The following HEMK1 variants were observed in gnomAD, a reference collection of about 807,000 sequenced individuals.
The protein encoded by HEMK1 is HemK methyltransferase 1, mitochondrial release factors N(5)-glutamine.
A neutral mutation model predicts 47.9 loss-of-function variants in HEMK1; 36 were observed. The ratio of observed to expected loss-of-function variants is 0.75; its 90% CI spans 0.58 to 0.99. HEMK1 has a LOEUF of 0.99. HEMK1 is among the 50% of genes least tolerant of loss of function. The pLI, the probability that HEMK1 is intolerant of heterozygous loss-of-function variation, is 0.00. For missense variants in HEMK1, 383 were observed against 434.5 expected, an observed-to-expected ratio of 0.88 and a Z score of 1.05; for synonymous variants, 153 against 165.4, an observed-to-expected ratio of 0.93 and a Z score of 0.57.
intron 8 of HEMK1, among the ~76,000 whole-genome samples, chr3:50,579,630 T>C (rs2030447480): frequency 6.6e-6 from 1 of 152,158 alleles, no homozygotes; most frequent in East Asian, 1.9e-4. Flanking sequence ...TCAGCAAGCA[T>C]GCCTGGCGCT....
At chr3:50,570,219 C>T (rs1327203333) in intron 1 of HEMK1, 1 of 152,218 alleles carries the variant, frequency 6.6e-6, no homozygotes, top group Non-Finnish European at 1.5e-5. Flanking sequence ...GAAGATGTGG[C>T]ACTTAGCAGG....
rs2031579133 is a variant in HEMK1 at position 50,589,151 on chromosome 3, T to G, written c.*8734T>G. The G allele has an allele frequency of 6.6e-6, 1 of 152,234 alleles. No individual in the cohort carries two copies. Among genetic ancestry groups the G allele is most frequent in the Non-Finnish European group, 1.5e-5 (1 of 68,040 alleles). The allele number at this position is 152,234 out of a possible 1,614,324, so 9.4% of individuals were successfully genotyped here. A position where few individuals can be genotyped will look rare whatever the true frequency, so the allele number is the denominator to read the frequency against. On this transcript the variant is annotated 3_prime_UTR_variant, in exon 11 of 11. Coordinates refer to ENST00000232854, the MANE Select transcript of HEMK1 (RefSeq NM_016173.5). ...CTGGGGGCTGGGATGGTAGTTGTAG[T>G]CTTATGTTGGTCTCAATGTCCATTT...
Position 50,580,778 on chromosome 3 carries a change from G to A in HEMK1, c.*361G>A, listed in dbSNP as rs943361187. 8 of 345,544 alleles carry A rather than the reference G, an allele frequency of 2.3e-5. No homozygotes were observed. The highest frequency in any genetic ancestry group is 3.2e-5 in the Non-Finnish European group (6 of 184,708). The allele number at this position is 345,544 out of a possible 1,614,324, so 21.4% of individuals were successfully genotyped here. A position where few individuals can be genotyped will look rare whatever the true frequency, so the allele number is the denominator to read the frequency against. On this transcript the variant is annotated 3_prime_UTR_variant, in exon 11 of 11. Transcript: ENST00000232854. ...TCCTTCTGCCCCAGCAGGGCTGGCC[G>A]TCAGTCCCCTGCTTGGTAGTGGTGT...
chr3:50,576,930 T>A (rs2232249), intron 4 of HEMK1, 122 bp from the exon 5 acceptor site: 1 of 1,178,626 alleles, frequency 8.5e-7, no homozygotes, highest in South Asian at 1.4e-5. Context: ...GACATGAAGG[T>A]CAGTCTGGCT....
At position 50,578,842 on chromosome 3, in the gene HEMK1, C is replaced by T. The variant is rs1031073714; in HGVS notation, c.686C>T (p.Pro229Leu). 6 of 1,613,156 alleles carry T rather than the reference C, an allele frequency of 3.7e-6. No homozygotes were observed. Among genetic ancestry groups the T allele is most frequent in the Non-Finnish European group, 5.1e-6 (6 of 1,179,548 alleles). The change falls in exon 8 of 11, where the codon CCC becomes CTC. Residue 229 changes from proline to leucine, a missense_variant. Physicochemically the swap from Pro to Leu is moderately conservative, Grantham distance 98. Coordinates refer to ENST00000232854, the MANE Select transcript of HEMK1 (RefSeq NM_016173.5). ...MTSERSWTHL[P>L]WGPMDLIVSN... is the part of the protein sequence containing the mutation. ...ACAGAAAGGAGCTGGACACACCTGC[C>T]CTGGGGCCCCATGGACCTGATTGTC...
At position 50,595,164 on chromosome 3, in the gene HEMK1, G is replaced by C. The variant is rs140440099; in HGVS notation, c.*14747G>C. The C allele has an allele frequency of 4.6e-5, 7 of 152,142 alleles. No individual in the cohort carries two copies. Among genetic ancestry groups the C allele is most frequent in the Non-Finnish European group, 1.0e-4 (7 of 68,058 alleles). The allele number at this position is 152,142 out of a possible 1,614,324, so 9.4% of individuals were successfully genotyped here. On this transcript the variant is annotated 3_prime_UTR_variant, in exon 11 of 11. Coordinates refer to ENST00000232854, the MANE Select transcript of HEMK1 (RefSeq NM_016173.5). Reference sequence around the variant, plus strand: ...CCCACCTCGGCCTCCCAAAGTGCTGGGATTACAGGAGTGAGCCACCGCGCC... The same window carrying C: ...CCCACCTCGGCCTCCCAAAGTGCTGCGATTACAGGAGTGAGCCACCGCGCC...
At chr3:50,577,708 T>TG in intron 6 of HEMK1, 118 bp from the exon 7 acceptor site, 1 of 1,340,602 alleles carries the variant, frequency 7.5e-7, no homozygotes, top group Non-Finnish European at 1.1e-6. Flanking sequence ...GGGTTCTGAA[T>TG]GGGTAGTGGG....
At position 50,574,561 on chromosome 3, in the gene HEMK1, G is replaced by C. The variant is rs539592392; in HGVS notation, c.414+2353G>C. Reference sequence around the variant, plus strand: ...GAGGGGTCATTCTCCAGCCAGAGTAGGTCTGTCTATGACCAGGAAACCAAG... The same window carrying C: ...GAGGGGTCATTCTCCAGCCAGAGTACGTCTGTCTATGACCAGGAAACCAAG... On this transcript the variant is annotated intron_variant, in intron 4 of 10. Transcript: ENST00000232854. Among the ~76,000 whole-genome samples, 5 of 152,274 alleles carry C rather than the reference G, an allele frequency of 3.3e-5. No individual in the cohort carries two copies. In the South Asian group the frequency reaches 1.0e-3, roughly 32 times the overall value.
chr3:50,574,918 G>A (rs886187793), intron 4 of HEMK1, among the ~76,000 whole-genome samples: 1 of 152,172 alleles, frequency 6.6e-6, no homozygotes, highest in African/African-American at 2.4e-5. Flanking sequence ...CCACCCTCAG[G>A]GTGGGTGAAC....
rs979775869 is a variant in HEMK1, at chr3:50,593,154, AT to A, written c.*12739del. On this transcript the variant is annotated 3_prime_UTR_variant, in exon 11 of 11. Transcript: ENST00000232854. ...CCTCTCACTATCTGGCTGTCCCCTC[AT>A]TCTCTCACCACCCACTCCCACTCCC... 9 of 152,066 alleles carry A rather than the reference AT, an allele frequency of 5.9e-5. No homozygotes were observed. Among genetic ancestry groups the A allele is most frequent in the African/African-American group, 2.2e-4 (9 of 41,346 alleles). 9.4% of individuals were successfully genotyped at this position (152,066 alleles called of 1,614,324 possible).
rs1038306085 is a variant in HEMK1, at chr3:50,594,709, C to G, written c.*14292C>G. 6.6e-6 allele frequency: 1 copy of G among 152,268 alleles called. No homozygotes were observed. Among genetic ancestry groups the G allele is most frequent in the Non-Finnish European group, 1.5e-5 (1 of 68,062 alleles). The allele number at this position is 152,268 out of a possible 1,614,324, so 9.4% of individuals were successfully genotyped here. ...AGAGAGTTGGTAGACACATGCCCAGCTCCCTCACCCCTTGGGTGGGACAAC... is the reference window on the plus strand; with the variant it reads ...AGAGAGTTGGTAGACACATGCCCAGGTCCCTCACCCCTTGGGTGGGACAAC... On this transcript the variant is annotated 3_prime_UTR_variant, in exon 11 of 11. Transcript: ENST00000232854.
chr3:50,580,043 G>T (rs1283287529), intron 9 of HEMK1, 73 bp from the exon 10 acceptor site: 16 of 1,534,036 alleles, frequency 1.0e-5, no homozygotes, highest in East Asian at 2.3e-5. Flanking sequence ...CCCTCACCTC[G>T]CCAGCCCAAG....
chr3:50,576,952 C>A (rs1701655991), intron 4 of HEMK1, 100 bp from the exon 5 acceptor site: 1 of 1,439,796 alleles, frequency 6.9e-7, no homozygotes. Context: ...TGGCTACCTC[C>A]CCTTCCTACG....
intron 4 of HEMK1, among the ~76,000 whole-genome samples, chr3:50,575,954 G>C (rs912802982): frequency 1.3e-5 from 2 of 152,218 alleles, no homozygotes; most frequent in Non-Finnish European, 2.9e-5. Flanking sequence ...GCAGTGGCTG[G>C]GTAGGCAAGG....
Position 50,593,222 on chromosome 3 carries a change from T to A in HEMK1, c.*12805T>A, listed in dbSNP as rs2031811992. 2 of 152,312 alleles carry A rather than the reference T, an allele frequency of 1.3e-5. No homozygotes were observed. Among genetic ancestry groups the A allele is most frequent in the African/African-American group, 4.8e-5 (2 of 41,456 alleles). The allele number at this position is 152,312 out of a possible 1,614,324, so 9.4% of individuals were successfully genotyped here. A position where few individuals can be genotyped will look rare whatever the true frequency, so the allele number is the denominator to read the frequency against. On this transcript the variant is annotated 3_prime_UTR_variant, in exon 11 of 11. Coordinates refer to ENST00000232854, the MANE Select transcript of HEMK1 (RefSeq NM_016173.5). ...CTGGCTTAGGAACCCTGCCCACAGCTGTACTAATGCCCTTGGCTTTGCTAT... is the reference window on the plus strand; with the variant it reads ...CTGGCTTAGGAACCCTGCCCACAGCAGTACTAATGCCCTTGGCTTTGCTAT...
chr3:50,570,177 G>A (rs1269115302), intron 1 of HEMK1: 2 of 152,234 alleles, frequency 1.3e-5, no homozygotes, highest in Admixed American at 1.3e-4. Flanking sequence ...CGCTGGGCAA[G>A]TCGCTTCCCT....
At chr3:50,579,206 G>A (rs2030343693) in intron 8 of HEMK1, among the ~76,000 whole-genome samples, 1 of 152,200 alleles carries the variant, frequency 6.6e-6, no homozygotes, top group Non-Finnish European at 1.5e-5. Flanking sequence ...GGCCACGGGA[G>A]GACTCAGTGA....
chr3:50,579,520 GC>G (rs2030425736), intron 8 of HEMK1, among the ~76,000 whole-genome samples: 1 of 152,164 alleles, frequency 6.6e-6, no homozygotes, highest in Admixed American at 6.5e-5. Flanking sequence ...GTCAGGGCTA[GC>G]CCCAGATCTC....
At position 50,589,476 on chromosome 3, in the gene HEMK1, GT is replaced by G. The variant is rs1367526494; in HGVS notation, c.*9060del. 1.3e-5 allele frequency: 2 copies of G among 151,492 alleles called. No individual in the cohort carries two copies. The highest frequency in any genetic ancestry group is 4.9e-5 in the African/African-American group (2 of 41,180). 9.4% of individuals were successfully genotyped at this position (151,492 alleles called of 1,614,324 possible). Reference sequence around the variant, plus strand: ...GAGCTGGGCATGGTGGCACATGCCTGTGGTCCCACCTACTCGGGAGGCTGAG... The same window carrying G: ...GAGCTGGGCATGGTGGCACATGCCTGGGTCCCACCTACTCGGGAGGCTGAG... On this transcript the variant is annotated 3_prime_UTR_variant, in exon 11 of 11. Coordinates refer to ENST00000232854, the MANE Select transcript of HEMK1 (RefSeq NM_016173.5).
Sources: gnomAD v4.1 joint callset for allele counts (sites outside exome capture counted in the v4.1 genomes callset) on GRCh38, gnomAD v4.1.1 for gene constraint, MANE v1.5 for transcripts, NCBI Gene and HGNC (gene_info 2026-07-23, HGNC 2026-07-21) for gene names.